ZBBX: variants seen among roughly 807,000 people sequenced by gnomAD.
ZBBX encodes the protein zinc finger B-box domain containing, also known as zinc finger B-box domain-containing protein 1.
In ZBBX, 101 loss-of-function variants were observed where a neutral mutation model predicts 108.5. The ratio of observed to expected loss-of-function variants is 0.93; its 90% CI spans 0.79 to 1.10. The LOEUF (loss-of-function observed/expected upper bound fraction) is 1.10, where lower values mean the gene tolerates loss of function less well. ZBBX is among the 50% of genes least tolerant of loss of function. The pLI is 0.00. For missense variants in ZBBX, 1,009 were observed against 941.4 expected (o/e 1.07, Z -0.94); for synonymous variants, 356 against 323.4 (o/e 1.10, Z -1.08).
chr3:167,242,948 A>C (rs946666519), intron 20 of ZBBX, among the ~76,000 whole-genome samples: 1 of 152,186 alleles, frequency 6.6e-6, no homozygotes, highest in Non-Finnish European at 1.5e-5. Context: ...ACCCCCTTTA[A>C]AGCTACAATA....
chr3:167,282,586 G>A (rs1034741533), intron 19 of ZBBX, 91 bp from the exon 20 acceptor site: 2 of 1,107,398 alleles, frequency 1.8e-6, no homozygotes, highest in South Asian at 3.2e-5. Flanking sequence ...TGCACACAGA[G>A]AAGTTAAGTT....
the ZBBX span, among the ~76,000 whole-genome samples, chr3:167,228,586 T>A: frequency 6.6e-6 from 1 of 151,792 alleles, no homozygotes; most frequent in Non-Finnish European, 1.5e-5. Flanking sequence ...GCGTTTGCAT[T>A]CCCTGATGCC....
In ZBBX at chr3:167,263,768, T is replaced by G. The variant is rs572665391; in HGVS notation, c.2254+18470A>C. 4.6e-4 allele frequency among the ~76,000 whole-genome samples: 70 copies of G among 152,356 alleles called. 1 individual carries two copies. The highest frequency in any genetic ancestry group is 1.6e-3 in the African/African-American group (67 of 41,582). ...AGTGCATATTAAGTCTAGTGTTTCTTCATTGATTTTCTGTCTTCAAGATCT... is the reference window on the plus strand; with the variant it reads ...AGTGCATATTAAGTCTAGTGTTTCTGCATTGATTTTCTGTCTTCAAGATCT... On this transcript the variant is annotated intron_variant, in intron 20 of 21. Coordinates refer to ENST00000675490, the MANE Select transcript of ZBBX (RefSeq NM_001199201.2).
intron 20 of ZBBX, among the ~76,000 whole-genome samples, chr3:167,247,604 C>T (rs926277689): frequency 1.3e-5 from 2 of 152,116 alleles, no homozygotes; most frequent in Non-Finnish European, 2.9e-5. Flanking sequence ...AAAGATCACC[C>T]TGTAACACAT....
chr3:167,349,389 A>G (rs1742255290), intron 9 of ZBBX, among the ~76,000 whole-genome samples: 1 of 152,016 alleles, frequency 6.6e-6, no homozygotes, highest in Non-Finnish European at 1.5e-5. Flanking sequence ...TGAGAGAGAG[A>G]AGTAGCAGGT....
At chr3:167,346,799 A>T (rs2108473621) in intron 9 of ZBBX, among the ~76,000 whole-genome samples, 1 of 151,796 alleles carries the variant, frequency 6.6e-6, no homozygotes, top group Non-Finnish European at 1.5e-5. Flanking sequence ...AACAACAACA[A>T]AAACTTTATG....
the ZBBX span, among the ~76,000 whole-genome samples, chr3:167,214,669 C>T: frequency 3.3e-5 from 5 of 152,084 alleles, no homozygotes; most frequent in South Asian, 6.2e-4. Context: ...ACTCTCCACA[C>T]GAAATAACAG....
At chr3:167,266,533 A>C (rs983992303) in intron 20 of ZBBX, among the ~76,000 whole-genome samples, 32 of 152,174 alleles carry the variant, frequency 2.1e-4, no homozygotes, top group Middle Eastern at 3.4e-3. Context: ...ACTGTACCTC[A>C]CATCCCCCTC....
chr3:167,265,983 T>C (rs752837967), intron 20 of ZBBX, among the ~76,000 whole-genome samples: 6 of 152,186 alleles, frequency 3.9e-5, no homozygotes, highest in South Asian at 2.1e-4. Flanking sequence ...AAGGGTGGCA[T>C]TGGTAATTCA....
At chr3:167,353,750 G>C (rs1402036279) in intron 8 of ZBBX, among the ~76,000 whole-genome samples, 2 of 151,900 alleles carry the variant, frequency 1.3e-5, no homozygotes, top group Non-Finnish European at 2.9e-5. Flanking sequence ...AATCACCCTT[G>C]TATCTCCATA....
chr3:167,265,118 C>A (rs184460647), intron 20 of ZBBX, among the ~76,000 whole-genome samples: 1 of 152,226 alleles, frequency 6.6e-6, no homozygotes, highest in Non-Finnish European at 1.5e-5. Flanking sequence ...GTCCCCTTTA[C>A]TTTTCCCTCT....
chr3:167,277,852 A>C (rs1285826441), intron 20 of ZBBX, among the ~76,000 whole-genome samples: 2 of 152,182 alleles, frequency 1.3e-5, no homozygotes, highest in Non-Finnish European at 2.9e-5. Flanking sequence ...CTTGGAAGTA[A>C]AGCTCTCCTC....
At chr3:167,322,647 A>G (rs1736641619) in intron 11 of ZBBX, among the ~76,000 whole-genome samples, 1 of 152,120 alleles carries the variant, frequency 6.6e-6, no homozygotes, top group South Asian at 2.1e-4. Context: ...ATTCATAATG[A>G]CATCTGGAGG....
intron 1 of ZBBX, among the ~76,000 whole-genome samples, chr3:167,400,562 T>C (rs1397270041): frequency 1.3e-5 from 2 of 152,114 alleles, no homozygotes; most frequent in East Asian, 1.9e-4. Context: ...TTTTTCTTGT[T>C]GATTTCTTGC....
At chr3:167,328,505 A>G (rs541550445) in intron 10 of ZBBX, among the ~76,000 whole-genome samples, 2 of 151,998 alleles carry the variant, frequency 1.3e-5, no homozygotes, top group South Asian at 4.2e-4. Context: ...TTTTAATGTA[A>G]ATCTGATCAG....
intron 18 of ZBBX, among the ~76,000 whole-genome samples, chr3:167,293,071 C>T (rs556162557): frequency 4.3e-4 from 65 of 152,022 alleles, no homozygotes; most frequent in Middle Eastern, 3.4e-3. Flanking sequence ...GCCTACCAAC[C>T]AAAAAAAGTC....
chr3:167,360,976 G>T (rs1744414363), intron 6 of ZBBX, among the ~76,000 whole-genome samples: 1 of 151,562 alleles, frequency 6.6e-6, no homozygotes, highest in Non-Finnish European at 1.5e-5. Flanking sequence ...ACATAATTTG[G>T]CTTTTAAACA....
intron 4 of ZBBX, among the ~76,000 whole-genome samples, chr3:167,369,490 G>C (rs963393440): frequency 2.0e-5 from 3 of 152,202 alleles, no homozygotes; most frequent in African/African-American, 7.2e-5. Flanking sequence ...GAAAGTGATA[G>C]GAAGGGCTGT....
At chr3:167,371,696 A>G (rs940872499) in intron 4 of ZBBX, among the ~76,000 whole-genome samples, 6 of 152,046 alleles carry the variant, frequency 3.9e-5, no homozygotes, top group Non-Finnish European at 8.8e-5. Flanking sequence ...TTCTTTTTCT[A>G]TTAACAAAAT....
Sources: allele counts gnomAD v4.1 joint callset (sites outside exome capture counted in the v4.1 genomes callset), GRCh38; gene constraint gnomAD v4.1.1; transcripts MANE v1.5; gene names NCBI Gene and HGNC (gene_info 2026-07-23, HGNC 2026-07-21).